DOCK7: variants seen among roughly 807,000 people sequenced by gnomAD.
The protein encoded by DOCK7 is dedicator of cytokinesis 7, also known as dedicator of cytokinesis protein 7.
In DOCK7, 138 loss-of-function variants were observed where a neutral mutation model predicts 271.0. The observed-to-expected ratio is 0.51, with a 90% confidence interval of 0.44 to 0.59. DOCK7 has a LOEUF of 0.59. Among genes scored for constraint, DOCK7 ranks in the 20% least tolerant of loss-of-function variants. The probability of loss-of-function intolerance (pLI) is 0.00; values close to 1 mark genes in which losing one functional copy is unlikely to be tolerated. For synonymous variants in DOCK7, 823 were observed against 876.1 expected (o/e 0.94, Z 1.07); for missense variants, 2,066 against 2,592.4 (o/e 0.80, Z 4.41).
At chr1:62,635,175 C>T (rs1461450158) in intron 8 of DOCK7, 2 of 264,540 alleles carry the variant, frequency 7.6e-6, no homozygotes, top group Non-Finnish European at 1.4e-5. Flanking sequence ...GGATATTATA[C>T]TCTCATGTAA....
At chr1:62,568,139 C>T (rs1182987042) in intron 18 of DOCK7, among the ~76,000 whole-genome samples, 3 of 151,814 alleles carry the variant, frequency 2.0e-5, no homozygotes. Flanking sequence ...CACAATTGCT[C>T]CTGAATGACT....
intron 1 of DOCK7, among the ~76,000 whole-genome samples, chr1:62,666,744 G>A (rs1208282555): frequency 6.6e-6 from 1 of 152,110 alleles, no homozygotes; most frequent in African/African-American, 2.4e-5. Flanking sequence ...TGATAGCTCA[G>A]AAAGAAAAAC....
chr1:62,484,764 T>C (rs1352245977), intron 43 of DOCK7: 2 of 152,214 alleles, frequency 1.3e-5, no homozygotes, highest in African/African-American at 2.4e-5. Flanking sequence ...AAAGTGGTTA[T>C]AAAAATTTTC....
Position 62,492,665 on chromosome 1 carries a change from T to C in DOCK7, c.5361+39A>G, listed in dbSNP as rs369716559. On this transcript the variant is annotated intron_variant, in intron 41 of 49. Transcript: ENST00000635253. ...TACACATGTCATTGATAATTAGAGG[T>C]ATGAAACTGTGGGAAAAGAATTAAC... The C allele has an allele frequency of 5.0e-6, 8 of 1,610,928 alleles. No individual in the cohort carries two copies. The African/African-American group carries it at 6.7e-5, about 13-fold the overall frequency.
At chr1:62,597,624 G>T (rs1557775786) in intron 14 of DOCK7, 1 of 1,613,016 alleles carries the variant, frequency 6.2e-7, no homozygotes, top group Non-Finnish European at 8.5e-7. Context: ...CTCCAGAATT[G>T]ATCAAGACAA....
In DOCK7 at chr1:62,504,619, A is replaced by G; in HGVS notation, c.4764+11T>C. The G allele has an allele frequency of 6.2e-7, 1 of 1,606,078 alleles. No homozygotes were observed. The highest frequency in any genetic ancestry group is 1.1e-5 in the South Asian group (1 of 88,862). ...TATGAATACAGAGAATTTTCATGAT[A>G]AAATACTTACATTCCCAATCTCAAA... On this transcript the variant is annotated intron_variant, in intron 37 of 49. Transcript: ENST00000635253.
intron 1 of DOCK7, among the ~76,000 whole-genome samples, chr1:62,683,384 A>G (rs1661384488): frequency 6.6e-6 from 1 of 152,226 alleles, no homozygotes; most frequent in Admixed American, 6.5e-5. Context: ...CCCAGAGTTA[A>G]TAACACATAC....
At chr1:62,583,136 T>C (rs1647187126) in intron 16 of DOCK7, 48 bp downstream of exon 16, 1 of 1,459,106 alleles carries the variant, frequency 6.9e-7, no homozygotes, top group Non-Finnish European at 9.6e-7. Flanking sequence ...GTGCTAACAA[T>C]GCCACTGAGA....
chr1:62,651,472 A>G (rs997657365), intron 4 of DOCK7, among the ~76,000 whole-genome samples: 1 of 145,340 alleles, frequency 6.9e-6, no homozygotes, highest in Admixed American at 6.8e-5. Context: ...AAGAAAAAAA[A>G]GAAAAGTTTA....
At chr1:62,666,452 G>T (rs1659333782) in intron 1 of DOCK7, among the ~76,000 whole-genome samples, 1 of 152,126 alleles carries the variant, frequency 6.6e-6, no homozygotes, top group African/African-American at 2.4e-5. Context: ...TTGAAAATAA[G>T]TTGTGATAAT....
At chr1:62,535,042 T>C (rs529212668) in intron 29 of DOCK7, among the ~76,000 whole-genome samples, 1 of 141,174 alleles carries the variant, frequency 7.1e-6, no homozygotes, top group East Asian at 2.0e-4. Context: ...TGAGCTGAGA[T>C]CCTGCCACTG....
intron 14 of DOCK7, among the ~76,000 whole-genome samples, chr1:62,610,295 T>A (rs2149562986): frequency 6.6e-6 from 1 of 151,876 alleles, no homozygotes; most frequent in African/African-American, 2.4e-5. Context: ...CAAAAACCAA[T>A]ACTTTCTGAA....
At chr1:62,597,450 C>A (rs1176192533) in intron 14 of DOCK7, 65 of 1,081,700 alleles carry the variant, frequency 6.0e-5, no homozygotes, top group Non-Finnish European at 8.6e-5. Flanking sequence ...TAACTATGTT[C>A]ACCTACCAAC....
intron 29 of DOCK7, among the ~76,000 whole-genome samples, chr1:62,529,676 A>G (rs1467912653): frequency 5.9e-5 from 9 of 152,250 alleles, no homozygotes; most frequent in African/African-American, 2.2e-4. Flanking sequence ...GAAATGCTAT[A>G]CAAATTCACT....
Position 62,663,094 on chromosome 1 carries a change from T to A in DOCK7, c.75A>T (p.Gly25=), listed in dbSNP as rs1390049924. 3.1e-6 allele frequency: 5 copies of A among 1,613,170 alleles called. No individual in the cohort carries two copies. In the East Asian group the frequency reaches 8.9e-5, roughly 29 times the overall value. The change falls in exon 2 of 50, where the codon GGA becomes GGT. Residue 25 remains glycine, a synonymous_variant. Coordinates refer to ENST00000635253, the MANE Select transcript of DOCK7 (RefSeq NM_001367561.1). ...VAAEVRKQIS[G]QYSGSPQLLK... Reference sequence around the variant, plus strand: ...GCAGTTGGGGAGAACCACTATATTGTCCGGAGATCTGCTTCCTAACTTCGG... The same window carrying A: ...GCAGTTGGGGAGAACCACTATATTGACCGGAGATCTGCTTCCTAACTTCGG...
At chr1:62,614,721 T>C (rs1029840010) in intron 14 of DOCK7, among the ~76,000 whole-genome samples, 1 of 151,968 alleles carries the variant, frequency 6.6e-6, no homozygotes, top group African/African-American at 2.4e-5. Context: ...AAGATATAGG[T>C]ACTTTTATTA....
intron 2 of DOCK7, among the ~76,000 whole-genome samples, chr1:62,656,600 G>A (rs1482896254): frequency 6.6e-6 from 1 of 152,116 alleles, no homozygotes; most frequent in Non-Finnish European, 1.5e-5. Context: ...AAGTACAACA[G>A]CCTAGATATT....
At chr1:62,487,473 G>A in intron 42 of DOCK7, 61 bp from the exon 43 acceptor site, 1 of 1,484,432 alleles carries the variant, frequency 6.7e-7, no homozygotes, top group Non-Finnish European at 9.4e-7. Flanking sequence ...GAACAAAAAA[G>A]GCCAAAGGCA....
intron 48 of DOCK7, among the ~76,000 whole-genome samples, chr1:62,473,093 G>T (rs575047289): frequency 1.2e-3 from 184 of 152,290 alleles, no homozygotes; most frequent in African/African-American, 4.3e-3. Context: ...GCTGAGTCCT[G>T]TGAGTCCTCC....
Sources: allele counts gnomAD v4.1 joint callset (sites outside exome capture counted in the v4.1 genomes callset), GRCh38; gene constraint gnomAD v4.1.1; transcripts MANE v1.5; gene names NCBI Gene and HGNC (gene_info 2026-07-23, HGNC 2026-07-21).